Variants in RFC1 observed in about 807,000 individuals in gnomAD.
RFC1 encodes the protein replication factor C subunit 1.
Under a neutral mutation model 137.4 loss-of-function variants are expected in RFC1, and 37 were observed. The observed-to-expected ratio is 0.27, with a 90% CI of 0.21 to 0.35. RFC1 has a LOEUF of 0.35. Among genes scored for constraint, RFC1 ranks in the 10% least tolerant of loss-of-function variants. The probability of loss-of-function intolerance (pLI) is 1.00; values close to 1 mark genes in which losing one functional copy is unlikely to be tolerated. For synonymous variants in RFC1, 429 were observed against 455.7 expected (o/e 0.94, Z 0.75); for missense variants, 1,205 against 1,358.5 (o/e 0.89, Z 1.78).
chr4:39,306,814 G>A (rs1738692153), intron 13 of RFC1, 113 bp from the exon 14 acceptor site: 3 of 661,502 alleles, frequency 4.5e-6, no homozygotes, highest in Admixed American at 5.0e-5. Flanking sequence ...CTCCAGTTTA[G>A]TTCTAAATTT....
chr4:39,317,026 T>C lies in RFC1; in HGVS notation c.1096-4A>G, dbSNP rs1560602268. 2 of 1,595,496 alleles carry C rather than the reference T, an allele frequency of 1.3e-6. No individual in the cohort carries two copies. Among genetic ancestry groups the C allele is most frequent in the Admixed American group, 3.3e-5 (2 of 59,758 alleles). On this transcript the variant is annotated splice_polypyrimidine_tract_variant and splice_region_variant and intron_variant, in intron 9 of 24. Transcript: ENST00000349703. ...CAGAATCTTCAGGACTTACAGACTT[T>C]GGGAACAGGGAAAGGAAAATGAACA... is the stretch of plus-strand genomic sequence containing the variant.
intron 1 of RFC1, among the ~76,000 whole-genome samples, chr4:39,356,384 T>C (rs1392266175): frequency 2.0e-5 from 3 of 152,118 alleles, no homozygotes; most frequent in African/African-American, 7.2e-5. Context: ...GGGGAAAAAG[T>C]GCAAAACTCC....
chr4:39,338,695 G>A (rs906597066), intron 4 of RFC1, among the ~76,000 whole-genome samples: 3 of 152,156 alleles, frequency 2.0e-5, no homozygotes, highest in East Asian at 1.9e-4. Flanking sequence ...TACACAGATA[G>A]TAAAATAATT....
intron 1 of RFC1, among the ~76,000 whole-genome samples, chr4:39,362,902 T>A (rs998183377): frequency 6.6e-6 from 1 of 152,242 alleles, no homozygotes; most frequent in Non-Finnish European, 1.5e-5. Flanking sequence ...CAGGTACATA[T>A]GCATGGCAAA....
At chr4:39,302,455 G>C in intron 18 of RFC1, 45 bp downstream of exon 18, 1 of 1,515,654 alleles carries the variant, frequency 6.6e-7, no homozygotes, top group Non-Finnish European at 9.2e-7. Context: ...GAAAGCATTA[G>C]TTAAAAATAA....
At chr4:39,352,320 CT>C (rs1386996700) in intron 1 of RFC1, among the ~76,000 whole-genome samples, 15 of 152,266 alleles carry the variant, frequency 9.9e-5, no homozygotes, top group Middle Eastern at 3.4e-3. Context: ...GAAAAAAAAC[CT>C]TTGATGCTTA....
chr4:39,335,234 T>C (rs1286703312), intron 4 of RFC1, among the ~76,000 whole-genome samples: 1 of 152,208 alleles, frequency 6.6e-6, no homozygotes, highest in Non-Finnish European at 1.5e-5. Context: ...GAGTCAAAAA[T>C]CTAAACCATC....
chr4:39,330,703 A>G (rs923540118), intron 4 of RFC1, among the ~76,000 whole-genome samples: 27 of 152,212 alleles, frequency 1.8e-4, no homozygotes, highest in African/African-American at 6.3e-4. Context: ...CTTACACTAA[A>G]GTGTTTGCAA....
At chr4:39,307,910 G>A (rs912260329) in intron 13 of RFC1, among the ~76,000 whole-genome samples, 1 of 152,118 alleles carries the variant, frequency 6.6e-6, no homozygotes, top group African/African-American at 2.4e-5. Flanking sequence ...TGGCAATCTA[G>A]TCATCACTGG....
chr4:39,343,009 AATAATCCAGGATAATCTCCCTATTT>A (rs1740678990), intron 3 of RFC1, among the ~76,000 whole-genome samples: 1 of 152,078 alleles, frequency 6.6e-6, no homozygotes, highest in South Asian at 2.1e-4. Flanking sequence ...AGCCCATCCA[AATAATCCAGGATAATCTCCCTATTT>A]TTTTTTCTTT....
chr4:39,357,409 T>C (rs924844797), intron 1 of RFC1, among the ~76,000 whole-genome samples: 7 of 152,158 alleles, frequency 4.6e-5, no homozygotes, highest in Non-Finnish European at 1.0e-4. Context: ...GATCCAAAAA[T>C]ACAAATCAAC....
In RFC1 at chr4:39,287,731, AACACAT is replaced by A. The variant is rs1737449862; in HGVS notation, c.*1024_*1029del. The A allele has an allele frequency of 6.6e-6, 1 of 152,208 alleles. No individual in the cohort carries two copies. The highest frequency in any genetic ancestry group is 2.4e-5 in the African/African-American group (1 of 41,448). The allele number at this position is 152,208 out of a possible 1,614,324, so 9.4% of individuals were successfully genotyped here. The stretch of plus-strand genomic sequence containing the variant: ...TAGGTCCATAGCCTCACGGCCACTC[AACACAT>A]ACAGTTATAGGAATAACCCAAACTT... On this transcript the variant is annotated 3_prime_UTR_variant, in exon 25 of 25. Transcript: ENST00000349703.
intron 11 of RFC1, 98 bp downstream of exon 11, chr4:39,312,654 C>T (rs1158205176): frequency 1.9e-6 from 2 of 1,063,888 alleles, no homozygotes; most frequent in African/African-American, 1.6e-5. Context: ...TTTTCTATTT[C>T]TTTCCTTCAT....
At chr4:39,289,222 A>G (rs1381239835) in intron 24 of RFC1, among the ~76,000 whole-genome samples, 1 of 152,236 alleles carries the variant, frequency 6.6e-6, no homozygotes, top group Non-Finnish European at 1.5e-5. Context: ...TTAGAGGTGT[A>G]AACAGTCATT....
chr4:39,351,321 A>G (rs776902126), intron 2 of RFC1, 27 bp downstream of exon 2: 1 of 1,438,368 alleles, frequency 7.0e-7, no homozygotes. Context: ...ATTTCATTCA[A>G]TGCAAAATTA....
chr4:39,348,423 A>AAAAAAGAAAAGAAAAAG (rs1740976145), intron 2 of RFC1, among the ~76,000 whole-genome samples: 19 of 116,686 alleles, frequency 1.6e-4, no homozygotes, highest in Non-Finnish European at 2.8e-4. Context: ...ACTCTGTTTC[A>AAAAAAGAAAAGAAAAAG]AAAAAGAAAA....
intron 15 of RFC1, among the ~76,000 whole-genome samples, chr4:39,303,545 C>T (rs571469737): frequency 6.6e-6 from 1 of 152,328 alleles, no homozygotes; most frequent in East Asian, 1.9e-4. Context: ...CCTCCGCCTC[C>T]CGGGTTCAAG....
rs765992803 is a variant in RFC1 at position 39,289,991 on chromosome 4, G to C, written c.3217C>G (p.Pro1073Ala). Residue 1073 changes from proline (P) to alanine (A), a missense_variant, in exon 24 of 25, where the codon CCA (proline) becomes GCA (alanine). Pro to Ala is a conservative substitution (Grantham distance 27). This residue lies in a region of RFC1 where 237 missense variants were observed against 304.2 expected (regional missense o/e 0.78). Transcript: ENST00000349703. ...RAYNKEAHLT[P>A]YSLQAIKASR... The stretch of plus-strand genomic sequence containing the variant: ...GCCTTTATAGCTTGAAGTGAGTATG[G>C]AGTAAGGTGGGCTTCCTTATTGTAA... The C allele has an allele frequency of 2.5e-6, 4 of 1,613,826 alleles. No individual in the cohort carries two copies. The highest frequency in any genetic ancestry group is 1.1e-5 in the South Asian group (1 of 91,048).
intron 10 of RFC1, among the ~76,000 whole-genome samples, chr4:39,313,556 C>T (rs534349856): frequency 4.4e-4 from 67 of 152,236 alleles, no homozygotes; most frequent in East Asian, 1.2e-3. Context: ...GAGTTTTGCC[C>T]GAACTCATGG....
Sources: allele counts gnomAD v4.1 joint callset (sites outside exome capture counted in the v4.1 genomes callset), GRCh38; gene constraint gnomAD v4.1.1; regional missense constraint gnomAD v4.1.1; transcripts MANE v1.5; gene names NCBI Gene and HGNC (gene_info 2026-07-23, HGNC 2026-07-21).